Variants in MTHFSD observed in about 807,000 individuals in gnomAD.
MTHFSD encodes the protein methenyltetrahydrofolate synthetase domain containing.
MTHFSD carries 37 observed loss-of-function variants against 31.1 expected under a neutral mutation model. The ratio of observed to expected loss-of-function variants is 1.19; its 90% CI spans 0.91 to 1.56. The LOEUF is 1.56. Ranked by LOEUF, MTHFSD falls within the 40% of genes most tolerant of loss-of-function variation. The pLI, the probability that MTHFSD is intolerant of heterozygous loss-of-function variation, is 0.00. For synonymous variants in MTHFSD, 221 were observed against 206.9 expected, an observed-to-expected ratio of 1.07 and a Z score of -0.59; for missense variants, 664 against 510.1, an observed-to-expected ratio of 1.30 and a Z score of -2.91.
At chr16:86,537,086 G>A (rs1195541868) in intron 7 of MTHFSD, among the ~76,000 whole-genome samples, 6 of 152,172 alleles carry the variant, frequency 3.9e-5, no homozygotes, top group Non-Finnish European at 8.8e-5. Flanking sequence ...GCACCCGGGC[G>A]CAATGTCTAC....
chr16:86,532,803 G>T (rs559156100), intron 7 of MTHFSD: 1 of 212,422 alleles, frequency 4.7e-6, no homozygotes, highest in African/African-American at 2.3e-5. Flanking sequence ...AAGTAAAGCT[G>T]GGGCTCTCTG....
intron 1 of MTHFSD, 62 bp from the exon 2 acceptor site, chr16:86,554,813 G>T: frequency 7.0e-7 from 1 of 1,427,466 alleles, no homozygotes; most frequent in South Asian, 1.2e-5. Flanking sequence ...TGCTGAAACC[G>T]CTTAACAGTA....
chr16:86,546,224 T>C (rs933193228), intron 5 of MTHFSD, among the ~76,000 whole-genome samples: 1 of 152,172 alleles, frequency 6.6e-6, no homozygotes, highest in Non-Finnish European at 1.5e-5. Context: ...CTGGAGTCCC[T>C]CCAAAACCAA....
rs947364592 is a variant in MTHFSD at position 86,531,752 on chromosome 16, C to T, written c.*259G>A. 8.9e-6 allele frequency: 3 copies of T among 337,086 alleles called. No individual in the cohort carries two copies. The highest frequency in any genetic ancestry group is 6.3e-5 in the African/African-American group (3 of 47,276). 20.9% of individuals were successfully genotyped at this position (337,086 alleles called of 1,614,324 possible). A position where few individuals can be genotyped will look rare whatever the true frequency, so the allele number is the denominator to read the frequency against. ...TCTGTCCCTCCAGAGAAACAGAAAC[C>T]GACTCAAGGCCCGAGCCTGCACGAT... is the stretch of plus-strand genomic sequence containing the variant. On this transcript the variant is annotated 3_prime_UTR_variant, in exon 8 of 8. Transcript: ENST00000360900. This position sits in a 1 kb window ranked among gnomAD's most constrained non-coding sequence, Gnocchi z 5.5.
intron 5 of MTHFSD, among the ~76,000 whole-genome samples, chr16:86,545,618 C>T (rs528332989): frequency 2.2e-4 from 33 of 152,178 alleles, no homozygotes; most frequent in African/African-American, 4.1e-4. Context: ...GCCCTGAGGC[C>T]GCTACTGAGG....
At chr16:86,541,101 G>A in intron 7 of MTHFSD, 1 of 1,276,818 alleles carries the variant, frequency 7.8e-7, no homozygotes, top group South Asian at 1.3e-5. Flanking sequence ...CAGTAATTCT[G>A]GCTGTTTGCC....
At chr16:86,541,587 A>AACAT in intron 7 of MTHFSD, 110 bp downstream of exon 7, 1 of 1,456,296 alleles carries the variant, frequency 6.9e-7, no homozygotes, top group Non-Finnish European at 9.3e-7. Context: ...GGGTGATTCT[A>AACAT]ACATACAGCC....
chr16:86,532,513 G>A (rs1438767826), intron 7 of MTHFSD, 32 bp from the exon 8 acceptor site: 2 of 1,380,028 alleles, frequency 1.4e-6, no homozygotes, highest in South Asian at 1.7e-5. Context: ...GCTCTTTCAG[G>A]GACAGAATCG....
chr16:86,539,708 C>A (rs73270594), intron 7 of MTHFSD, among the ~76,000 whole-genome samples: 211 of 152,194 alleles, frequency 1.4e-3, no homozygotes, highest in African/African-American at 4.7e-3. Context: ...TCAAACAGAG[C>A]GTGTATTAGA....
At position 86,530,420 on chromosome 16, in the gene MTHFSD, A is replaced by G. The variant is rs1210085827; in HGVS notation, c.*1591T>C. 1 of 152,252 alleles carries G rather than the reference A, an allele frequency of 6.6e-6. No homozygotes were observed. Among genetic ancestry groups the G allele is most frequent in the Non-Finnish European group, 1.5e-5 (1 of 68,130 alleles). The allele number at this position is 152,252 out of a possible 1,614,324, so 9.4% of individuals were successfully genotyped here. ...GGCGTCAGGCATGGCTGGACACAGG[A>G]GTGCCAGTGGTGGGGTCAGAATCCA... On this transcript the variant is annotated 3_prime_UTR_variant, in exon 8 of 8. Coordinates refer to ENST00000360900, the MANE Select transcript of MTHFSD (RefSeq NM_001159377.2).
intron 2 of MTHFSD, chr16:86,552,363 C>T (rs1424664742): frequency 5.9e-6 from 8 of 1,361,120 alleles, no homozygotes; most frequent in South Asian, 2.8e-5. Flanking sequence ...CCAAGCAGCT[C>T]GGCCCAGAAT....
Position 86,532,186 on chromosome 16 carries a change from A to C in MTHFSD, c.977T>G (p.Leu326Arg), listed in dbSNP as rs941800598. 2 of 1,578,438 alleles carry C rather than the reference A, an allele frequency of 1.3e-6. No homozygotes were observed. The highest frequency in any genetic ancestry group is 2.7e-5 in the African/African-American group (2 of 73,408). Reference protein sequence around the residue: ...DARVSDLKRALRELGSVPLRL... With the variant: ...DARVSDLKRARRELGSVPLRL... ...CAGGGGCACGGAGCCGAGTTCCCGC[A>C]GGGCTCTCTTCAGGTCACTCACACG... Residue 326 changes from leucine to arginine, a missense_variant, in exon 8 of 8, where the codon CTG becomes CGG. Leu to Arg is a moderately radical substitution (Grantham distance 102). Transcript: ENST00000360900.
rs764762192 is a variant in MTHFSD at position 86,541,826 on chromosome 16, G to C, written c.556-4C>G. 1.9e-6 allele frequency: 3 copies of C among 1,613,678 alleles called. No homozygotes were observed. In the African/African-American group the frequency reaches 4.0e-5, roughly 22 times the overall value. On this transcript the variant is annotated splice_region_variant and splice_polypyrimidine_tract_variant and intron_variant, in intron 6 of 7. Transcript: ENST00000360900. The stretch of plus-strand genomic sequence containing the variant: ...GCTCTTCAGGGATGTCCACGACCTG[G>C]GGGAAGAGAGGAGGGATAAAGGGGC...
At chr16:86,538,221 T>C (rs1307057727) in intron 7 of MTHFSD, among the ~76,000 whole-genome samples, 2 of 20,952 alleles carry the variant, frequency 9.5e-5, no homozygotes, top group Non-Finnish European at 1.6e-4. Context: ...TTAACATATA[T>C]CATTCCTGCC....
intron 5 of MTHFSD, among the ~76,000 whole-genome samples, chr16:86,545,909 A>C (rs1972226322): frequency 6.6e-6 from 1 of 152,212 alleles, no homozygotes; most frequent in Admixed American, 6.5e-5. Context: ...AATAAAGAAC[A>C]ATGTCCCCAC....
intron 4 of MTHFSD, chr16:86,547,985 G>GTGAGGC (rs757023049): frequency 1.9e-5 from 23 of 1,212,532 alleles, no homozygotes; most frequent in Non-Finnish European, 2.5e-5. Flanking sequence ...TTACTAAATT[G>GTGAGGC]TGAGGCATTC....
chr16:86,537,845 G>A (rs1970924980), intron 7 of MTHFSD, among the ~76,000 whole-genome samples: 1 of 152,226 alleles, frequency 6.6e-6, no homozygotes, highest in Non-Finnish European at 1.5e-5. Context: ...ATAAGCACGA[G>A]CGTGGCTCTG....
At chr16:86,536,281 T>A (rs1362362817) in intron 7 of MTHFSD, among the ~76,000 whole-genome samples, 1 of 152,108 alleles carries the variant, frequency 6.6e-6, no homozygotes, top group Non-Finnish European at 1.5e-5. Context: ...ATAGCCACAG[T>A]GAAATAACCA....
At chr16:86,554,954 T>G in intron 1 of MTHFSD, 134 of 1,211,208 alleles carry the variant, frequency 1.1e-4, no homozygotes, top group Non-Finnish European at 1.4e-4. Context: ...CGTCTTCTCG[T>G]TATCTTTATT....
Sources: allele counts gnomAD v4.1 joint callset (sites outside exome capture counted in the v4.1 genomes callset), GRCh38; gene constraint gnomAD v4.1.1; non-coding constraint Gnocchi (gnomAD v3.1); transcripts MANE v1.5; gene names NCBI Gene and HGNC (gene_info 2026-07-23, HGNC 2026-07-21).